The following RAB11FIP3 variants were observed in gnomAD, a reference collection of about 807,000 sequenced individuals.
RAB11FIP3 encodes the protein rab11 family-interacting protein 3.
In RAB11FIP3, 17 loss-of-function variants were observed where a neutral mutation model predicts 77.8. The ratio of observed to expected loss-of-function variants is 0.22; its 90% CI spans 0.15 to 0.33. RAB11FIP3 has a LOEUF of 0.33. Among genes scored for constraint, RAB11FIP3 ranks in the 10% least tolerant of loss-of-function variants. The probability of loss-of-function intolerance (pLI) is 1.00; values close to 1 mark genes in which losing one functional copy is unlikely to be tolerated. For missense variants in RAB11FIP3, 1,005 were observed against 1,011.2 expected, an observed-to-expected ratio of 0.99 and a Z score of 0.08; for synonymous variants, 437 against 448.2, an observed-to-expected ratio of 0.98 and a Z score of 0.31.
At chr16:486,851 G>A (rs2056164823) in intron 4 of RAB11FIP3, among the ~76,000 whole-genome samples, 2 of 152,230 alleles carry the variant, frequency 1.3e-5, no homozygotes, top group African/African-American at 2.4e-5. Flanking sequence ...CCTGCTGGCC[G>A]ATGGACCAGT....
At chr16:474,446 T>G (rs137901805) in intron 3 of RAB11FIP3, among the ~76,000 whole-genome samples, 2 of 151,938 alleles carry the variant, frequency 1.3e-5, no homozygotes, top group Non-Finnish European at 2.9e-5. Context: ...TCTGAGTAAG[T>G]GGGGAGAGTA....
intron 1 of RAB11FIP3, among the ~76,000 whole-genome samples, chr16:427,663 T>C (rs1424057124): frequency 1.3e-5 from 2 of 152,244 alleles, no homozygotes; most frequent in African/African-American, 4.8e-5. Context: ...GGTGCATCTG[T>C]CAATTTTTTG....
chr16:518,360 C>A lies in RAB11FIP3; in HGVS notation c.1641-583C>A, dbSNP rs146282661. Among the ~76,000 whole-genome samples, 583 of 152,270 alleles carry A rather than the reference C, an allele frequency of 3.8e-3. 2 individuals are homozygous for A. The highest frequency in any genetic ancestry group is 0.024 in the Middle Eastern group (7 of 294). On this transcript the variant is annotated intron_variant, in intron 9 of 13. Coordinates refer to ENST00000262305, the MANE Select transcript of RAB11FIP3 (RefSeq NM_014700.4). ...CCTCCCAAAGTGTTGGGATTACAGG[C>A]GTAAGCCACTGTACTCGCCTTCAAC...
chr16:479,209 T>C (rs2055983199), intron 3 of RAB11FIP3, among the ~76,000 whole-genome samples: 1 of 151,988 alleles, frequency 6.6e-6, no homozygotes, highest in Admixed American at 6.6e-5. Context: ...CTGAGCAACA[T>C]GGCAAAACCC....
chr16:490,938 C>A lies in RAB11FIP3; in HGVS notation c.1265+1938C>A, dbSNP rs2030125009. On this transcript the variant is annotated intron_variant, in intron 5 of 13. Coordinates refer to ENST00000262305, the MANE Select transcript of RAB11FIP3 (RefSeq NM_014700.4). ...GGCTCGAGCTGGTGCCTGTCCTGGG[C>A]TCCTGGAGGCAGCTGAGGGATGTGG... Among the ~76,000 whole-genome samples, 6 of 152,336 alleles carry A rather than the reference C, an allele frequency of 3.9e-5. No homozygotes were observed. The South Asian group carries it at 1.2e-3, about 32-fold the overall frequency.
intron 1 of RAB11FIP3, among the ~76,000 whole-genome samples, chr16:433,889 C>T (rs1040238563): frequency 6.6e-6 from 1 of 151,308 alleles, no homozygotes; most frequent in South Asian, 2.1e-4. Flanking sequence ...CATTGTGTAT[C>T]TATATTACAT....
chr16:433,406 C>T (rs2055073055), intron 1 of RAB11FIP3, among the ~76,000 whole-genome samples: 1 of 151,116 alleles, frequency 6.6e-6, no homozygotes, highest in South Asian at 2.1e-4. Context: ...CTATTCTCTA[C>T]CTCCATTAGA....
chr16:445,100 C>T (rs374920585), intron 1 of RAB11FIP3, among the ~76,000 whole-genome samples: 119 of 112,666 alleles, frequency 1.1e-3, no homozygotes, highest in Admixed American at 1.4e-3. Context: ...GGTGACAGAG[C>T]GAGACTCTGT....
chr16:439,906 C>T (rs2055196314), intron 1 of RAB11FIP3, among the ~76,000 whole-genome samples: 1 of 151,316 alleles, frequency 6.6e-6, no homozygotes, highest in African/African-American at 2.4e-5. Context: ...TGTGGTGGTG[C>T]AATCGCGGAT....
rs1180269809 is a variant in RAB11FIP3 at position 506,721 on chromosome 16, T to C, written c.1499+1094T>C. On this transcript the variant is annotated intron_variant, in intron 8 of 13. Coordinates refer to ENST00000262305, the MANE Select transcript of RAB11FIP3 (RefSeq NM_014700.4). The surrounding 1 kb of genome is among the most constrained non-coding windows in gnomAD (Gnocchi z 4.5). ...GATTGTGGGCATAACTTGCACATCA[T>C]TTTAATTCTAACAAAGCAAAGCATG... Among the ~76,000 whole-genome samples the C allele has an allele frequency of 6.6e-6, 1 of 152,236 alleles. No individual in the cohort carries two copies. Among genetic ancestry groups the C allele is most frequent in the East Asian group, 1.9e-4 (1 of 5,190 alleles).
rs1456867364 is a variant in RAB11FIP3 at position 516,943 on chromosome 16, G to A, written c.1641-2000G>A. On this transcript the variant is annotated intron_variant, in intron 9 of 13. Coordinates refer to ENST00000262305, the MANE Select transcript of RAB11FIP3 (RefSeq NM_014700.4). ...ATGTCCGCAGACACTCCCTCCAGGA[G>A]GCGGGGGCTGGACCCAGTGAGCGGC... 3.9e-5 allele frequency among the ~76,000 whole-genome samples: 6 copies of A among 152,358 alleles called. No individual in the cohort carries two copies. The East Asian group carries it at 9.6e-4, about 24-fold the overall frequency.
At chr16:503,471 A>G (rs1346514154) in intron 7 of RAB11FIP3, among the ~76,000 whole-genome samples, 1 of 152,140 alleles carries the variant, frequency 6.6e-6, no homozygotes, top group Non-Finnish European at 1.5e-5. Context: ...ATTTGGGAGA[A>G]AAGGGCTGGC....
chr16:444,685 T>TA (rs1036449264), intron 1 of RAB11FIP3, among the ~76,000 whole-genome samples: 15 of 150,980 alleles, frequency 9.9e-5, no homozygotes, highest in Non-Finnish European at 1.9e-4. Context: ...CTGTCTCTAT[T>TA]AAAAAAGATT....
In RAB11FIP3 at chr16:507,065, C is replaced by T. The variant is rs2031910792; in HGVS notation, c.1499+1438C>T. On this transcript the variant is annotated intron_variant, in intron 8 of 13. Transcript: ENST00000262305. This position sits in a 1 kb window ranked among gnomAD's most constrained non-coding sequence, Gnocchi z 4.6. ...CCAGGCTCAAGCGACCCGCCTCCCT[C>T]AGCCTTCGATGTAGCTGGGACTACA... 6.6e-6 allele frequency among the ~76,000 whole-genome samples: 1 copy of T among 152,006 alleles called. No individual in the cohort carries two copies. Among genetic ancestry groups the T allele is most frequent in the African/African-American group, 2.4e-5 (1 of 41,372 alleles).
At chr16:454,519 G>T (rs115484087) in intron 1 of RAB11FIP3, among the ~76,000 whole-genome samples, 1 of 152,090 alleles carries the variant, frequency 6.6e-6, no homozygotes, top group African/African-American at 2.4e-5. Context: ...CACATCTAGC[G>T]TGGGAAACAT....
At chr16:493,167 C>T (rs1416401778) in intron 5 of RAB11FIP3, among the ~76,000 whole-genome samples, 9 of 149,726 alleles carry the variant, frequency 6.0e-5, no homozygotes, top group African/African-American at 2.2e-4. Context: ...GGGAGGTTCA[C>T]TTGAACCCAG....
Position 497,553 on chromosome 16 carries a change from C to T in RAB11FIP3, c.1301+694C>T, listed in dbSNP as rs538985931. 2.3e-5 allele frequency: 23 copies of T among 986,948 alleles called. No homozygotes were observed. The African/African-American group carries it at 3.4e-4, about 15-fold the overall frequency. The allele number at this position is 986,948 out of a possible 1,614,324, so 61.1% of individuals were successfully genotyped here. ...GACGCCTCTCCAGCTTCCTCTGGAG[C>T]ATCCCCTCTGGAGCCTCCTCTCTGC... On this transcript the variant is annotated intron_variant, in intron 6 of 13. Coordinates refer to ENST00000262305, the MANE Select transcript of RAB11FIP3 (RefSeq NM_014700.4).
chr16:460,099 A>T (rs1381505613), intron 1 of RAB11FIP3, among the ~76,000 whole-genome samples: 3 of 151,490 alleles, frequency 2.0e-5, no homozygotes, highest in African/African-American at 4.9e-5. Flanking sequence ...ATGATCTGGA[A>T]CTCCCAGCCT....
chr16:486,113 A>C (rs2056148445), intron 4 of RAB11FIP3, among the ~76,000 whole-genome samples: 2 of 152,282 alleles, frequency 1.3e-5, no homozygotes, highest in African/African-American at 4.8e-5. Context: ...CATATTGGCC[A>C]GGTTGACCTC....
Sources: gnomAD v4.1 joint callset for allele counts (sites outside exome capture counted in the v4.1 genomes callset) on GRCh38, gnomAD v4.1.1 for gene constraint, Gnocchi (gnomAD v3.1) non-coding constraint, MANE v1.5 for transcripts, NCBI Gene and HGNC (gene_info 2026-07-23, HGNC 2026-07-21) for gene names.